The following NLRP13 variants were observed in gnomAD, a reference collection of about 807,000 sequenced individuals.
NLRP13 encodes the protein NLR family pyrin domain containing 13.
NLRP13 carries 82 observed loss-of-function variants against 94.4 expected under a neutral mutation model. That is an observed-to-expected ratio of 0.87 (90% CI 0.73 to 1.04). NLRP13 has a LOEUF of 1.04. Ranked by LOEUF, NLRP13 falls within the 50% of genes least tolerant of loss-of-function variation. The pLI, the probability that NLRP13 is intolerant of heterozygous loss-of-function variation, is 0.00. For synonymous variants in NLRP13, 553 were observed against 464.7 expected (o/e 1.19, Z -2.45); for missense variants, 1,426 against 1,230.8 (o/e 1.16, Z -2.37).
chr19:55,910,969 A>G (rs543059819), intron 5 of NLRP13, among the ~76,000 whole-genome samples: 70 of 152,222 alleles, frequency 4.6e-4, no homozygotes, highest in African/African-American at 1.6e-3. Context: ...AAAATTAGCC[A>G]GGTGTAGTGG....
chr19:55,925,767 T>C (rs1266682021), intron 1 of NLRP13, among the ~76,000 whole-genome samples: 2 of 152,194 alleles, frequency 1.3e-5, no homozygotes, highest in African/African-American at 4.8e-5. Context: ...TCTAGAGATA[T>C]GGCTCTAATA....
At position 55,898,907 on chromosome 19, in the gene NLRP13, G is replaced by A; in HGVS notation, c.2820C>T (p.Gly940=). Reference sequence around the variant, plus strand: ...TGAGGGCATTAGCCAGCTCTCCACAGCCCTCTCTTGTGAAAGAACAACCTG... The same window carrying A: ...TGAGGGCATTAGCCAGCTCTCCACAACCCTCTCTTGTGAAAGAACAACCTG... ...NLSGCSFTRE[G]CGELANALSH... The change falls in exon 10 of 11, where the codon GGC becomes GGT. Residue 940 remains glycine, a synonymous_variant. Transcript: ENST00000342929. 1.9e-6 allele frequency: 3 copies of A among 1,604,922 alleles called. No homozygotes were observed. The East Asian group carries it at 6.7e-5, about 36-fold the overall frequency.
At chr19:55,892,747 G>A (rs1456561487), downstream of NLRP13, among the ~76,000 whole-genome samples, 1 of 152,268 alleles carries the variant, frequency 6.6e-6, no homozygotes, top group East Asian at 1.9e-4. Flanking sequence ...AAATCCACAT[G>A]TACTGATTGT....
rs764770291 is a variant in NLRP13 at position 55,912,234 on chromosome 19, C to G, written c.1583G>C (p.Cys528Ser). 1 of 1,614,136 alleles carries G rather than the reference C, an allele frequency of 6.2e-7. No homozygotes were observed. The highest frequency in any genetic ancestry group is 1.1e-5 in the South Asian group (1 of 91,080). ...EFNILQKIND[C>S]GGCTTFTHLS... ...GTGGGTGAAAGTAGTGCAACCCCCA[C>G]AGTCATTGATCTTTTGAAGAATATT... Residue 528 changes from cysteine (C) to serine (S), a missense_variant, in exon 5 of 11, where the codon TGT (cysteine) becomes TCT (serine). Transcript: ENST00000342929.
rs763698971 is a variant in NLRP13, at chr19:55,898,770, C to T, written c.2957G>A (p.Gly986Glu). 6.2e-7 allele frequency: 1 copy of T among 1,602,582 alleles called. No individual in the cohort carries two copies. Among genetic ancestry groups the T allele is most frequent in the East Asian group, 2.2e-5 (1 of 44,640 alleles). The change falls in exon 10 of 11, where the codon GGG becomes GAG. Residue 986 changes from glycine to glutamate, a missense_variant and splice_region_variant. Transcript: ENST00000342929. ...LKPHRALHTL[G>E]LAKCNLTTAC... Reference sequence around the variant, plus strand: ...TGCAAGGAGAACAGCATCAACTCACCCAAGTGTGTGCAATGCACGATGTGG... The same window carrying T: ...TGCAAGGAGAACAGCATCAACTCACTCAAGTGTGTGCAATGCACGATGTGG...
chr19:55,897,532 C>A (rs962403134), intron 10 of NLRP13, among the ~76,000 whole-genome samples: 18 of 152,044 alleles, frequency 1.2e-4, no homozygotes, highest in Non-Finnish European at 2.1e-4. Context: ...TAAAGCCCTT[C>A]TTTTAGAAAG....
chr19:55,902,800 G>T (rs1986223376), intron 8 of NLRP13, among the ~76,000 whole-genome samples: 1 of 150,860 alleles, frequency 6.6e-6, no homozygotes, highest in Non-Finnish European at 1.5e-5. Context: ...TTACATAATA[G>T]TATATCGTTA....
chr19:55,930,489 C>A (rs1372033445), intron 1 of NLRP13, among the ~76,000 whole-genome samples: 1 of 151,676 alleles, frequency 6.6e-6, no homozygotes, highest in Non-Finnish European at 1.5e-5. Context: ...AGTTTGAGAC[C>A]AGCCTGGCCA....
intron 4 of NLRP13, among the ~76,000 whole-genome samples, chr19:55,914,534 C>G (rs1986630229): frequency 6.6e-6 from 1 of 152,162 alleles, no homozygotes; most frequent in Admixed American, 6.5e-5. Context: ...TATACCCCAT[C>G]AGTATATGTA....
intron 1 of NLRP13, among the ~76,000 whole-genome samples, chr19:55,925,783 A>T (rs1220822485): frequency 6.6e-6 from 1 of 152,084 alleles, no homozygotes; most frequent in Non-Finnish European, 1.5e-5. Flanking sequence ...TAATATTTAC[A>T]ACTCCATTGC....
intron 4 of NLRP13, among the ~76,000 whole-genome samples, chr19:55,920,605 C>A (rs1986794548): frequency 6.6e-6 from 1 of 151,946 alleles, no homozygotes; most frequent in South Asian, 2.1e-4. Flanking sequence ...AGTCAAAAAA[C>A]CCAAATGTTG....
Position 55,912,926 on chromosome 19 carries a change from T to A in NLRP13, c.891A>T (p.Glu297Asp). The A allele has an allele frequency of 6.2e-7, 1 of 1,614,070 alleles. No homozygotes were observed. The highest frequency in any genetic ancestry group is 8.5e-7 in the Non-Finnish European group (1 of 1,179,908). The change falls in exon 5 of 11, where the codon GAA (glutamate) becomes GAT (aspartate). Residue 297 changes from glutamate (E) to aspartate (D), a missense_variant. Coordinates refer to ENST00000342929, the MANE Select transcript of NLRP13 (RefSeq NM_176810.2). ...LDWPDFDAPI[E>D]EFMSQPEKLL... ...GCTTCTCTGGTTGAGACATGAACTC[T>A]TCAATGGGGGCATCAAAATCGGGCC...
chr19:55,898,206 G>GTTTTTTTTT (rs67273235), intron 10 of NLRP13, among the ~76,000 whole-genome samples: 1 of 20,074 alleles, frequency 5.0e-5, no homozygotes, highest in Non-Finnish European at 9.5e-5. Context: ...TTTTGTTTTT[G>GTTTTTTTTT]TTTTTGTTTT....
At chr19:55,897,256 T>C (rs986602954) in intron 10 of NLRP13, among the ~76,000 whole-genome samples, 5 of 152,174 alleles carry the variant, frequency 3.3e-5, no homozygotes, top group African/African-American at 1.2e-4. Context: ...CAGTGGCTCA[T>C]GTCAGTAATC....
At chr19:55,895,163 A>T (rs972034744), downstream of NLRP13, among the ~76,000 whole-genome samples, 1 of 150,424 alleles carries the variant, frequency 6.6e-6, no homozygotes, top group African/African-American at 2.4e-5. Context: ...AGGCGGGCCA[A>T]CATGGTGAAA....
chr19:55,891,844 C>T, downstream of NLRP13: 1 of 379,236 alleles, frequency 2.6e-6, no homozygotes, highest in East Asian at 3.8e-5. Context: ...CCTGGGCGTG[C>T]AATGGGCGGC....
intron 4 of NLRP13, among the ~76,000 whole-genome samples, chr19:55,917,721 T>C (rs1986706445): frequency 6.6e-6 from 1 of 150,976 alleles, no homozygotes; most frequent in South Asian, 2.1e-4. Context: ...TTCAAGAAGA[T>C]ATAATAATCC....
At position 55,912,521 on chromosome 19, in the gene NLRP13, A is replaced by G; in HGVS notation, c.1296T>C (p.Cys432=). 6.2e-7 allele frequency: 1 copy of G among 1,614,192 alleles called. No individual in the cohort carries two copies. The part of the protein sequence containing the change: ...CSAPMVCWTV[C]SCLKQPKVRY... ...TCACCTTCGGCTGCTTCAGACAGGA[A>G]CATACGGTCCAACACACCATGGGGG... Residue 432 remains cysteine, a synonymous_variant, in exon 5 of 11, where the codon TGT becomes TGC. Transcript: ENST00000342929.
chr19:55,916,987 T>C (rs551576414), intron 4 of NLRP13, among the ~76,000 whole-genome samples: 175 of 152,246 alleles, frequency 1.1e-3, no homozygotes, highest in African/African-American at 4.1e-3. Flanking sequence ...TCTAGTCACC[T>C]ATGAAGCAAA....
Sources: gnomAD v4.1 joint callset for allele counts (sites outside exome capture counted in the v4.1 genomes callset) on GRCh38, gnomAD v4.1.1 for gene constraint, MANE v1.5 for transcripts, NCBI Gene and HGNC (gene_info 2026-07-23, HGNC 2026-07-21) for gene names.